The following CDIN1 variants were observed in gnomAD, a reference collection of about 807,000 sequenced individuals.
CDIN1 encodes CDAN1 interacting nuclease 1.
CDIN1 carries 33 observed loss-of-function variants against 45.3 expected under a neutral mutation model. The observed-to-expected ratio is 0.73, with a 90% confidence interval of 0.55 to 0.97. The LOEUF (loss-of-function observed/expected upper bound fraction) is 0.97. Among genes scored for constraint, CDIN1 ranks in the 50% least tolerant of loss-of-function variants. The probability of loss-of-function intolerance (pLI) is 0.00; values close to 1 mark genes in which losing one functional copy is unlikely to be tolerated. For missense variants in CDIN1, 303 were observed against 339.4 expected, an observed-to-expected ratio of 0.89 and a Z score of 0.84; for synonymous variants, 118 against 124.4, an observed-to-expected ratio of 0.95 and a Z score of 0.34.
chr15:36,766,776 TTTC>T (rs1175275116), intron 10 of CDIN1, among the ~76,000 whole-genome samples: 3 of 152,178 alleles, frequency 2.0e-5, no homozygotes, highest in Non-Finnish European at 2.9e-5. Flanking sequence ...ACTTGGGATT[TTTC>T]TTGTTATTTG....
intron 10 of CDIN1, among the ~76,000 whole-genome samples, chr15:36,726,171 T>G (rs1195571039): frequency 2.6e-5 from 4 of 152,206 alleles, no homozygotes; most frequent in African/African-American, 7.2e-5. Flanking sequence ...TCACCTGTTT[T>G]ACTCATATCA....
chr15:36,732,059 A>G (rs902267148), intron 10 of CDIN1, among the ~76,000 whole-genome samples: 3 of 152,162 alleles, frequency 2.0e-5, no homozygotes, highest in African/African-American at 7.2e-5. Flanking sequence ...CCTTAATGTG[A>G]CAGGTAGACT....
intron 4 of CDIN1, among the ~76,000 whole-genome samples, chr15:36,655,270 A>AT (rs1244522019): frequency 4.0e-5 from 6 of 150,418 alleles, no homozygotes; most frequent in Non-Finnish European, 8.9e-5. Flanking sequence ...GAAAACAAGT[A>AT]TTTTATTCTT....
chr15:36,694,978 T>G (rs1219448378), intron 7 of CDIN1, among the ~76,000 whole-genome samples: 2 of 152,224 alleles, frequency 1.3e-5, no homozygotes, highest in African/African-American at 4.8e-5. Context: ...CTCTGAAAAT[T>G]TGTGAAATTT....
At chr15:36,606,011 T>C (rs1481587159) in intron 1 of CDIN1, among the ~76,000 whole-genome samples, 1 of 152,144 alleles carries the variant, frequency 6.6e-6, no homozygotes, top group Non-Finnish European at 1.5e-5. Context: ...ATTAGCGTGC[T>C]TGAGGACAAG....
intron 3 of CDIN1, among the ~76,000 whole-genome samples, chr15:36,652,855 C>T (rs960808463): frequency 2.0e-5 from 3 of 152,148 alleles, no homozygotes; most frequent in Non-Finnish European, 2.9e-5. Context: ...TGGAAGACCT[C>T]ACCTGTTGAC....
At chr15:36,585,487 T>C (rs1406097963) in intron 1 of CDIN1, among the ~76,000 whole-genome samples, 1 of 152,220 alleles carries the variant, frequency 6.6e-6, no homozygotes, top group Non-Finnish European at 1.5e-5. Flanking sequence ...TCCTTTGTGT[T>C]TGATGTTTAT....
At chr15:36,808,289 C>G (rs1163574344) in intron 10 of CDIN1, 35 bp from the exon 11 acceptor site, 1 of 1,610,768 alleles carries the variant, frequency 6.2e-7, no homozygotes, top group East Asian at 2.2e-5. Flanking sequence ...TCTGTTGATA[C>G]CATGTGTGTG....
intron 1 of CDIN1, among the ~76,000 whole-genome samples, chr15:36,597,653 T>C (rs2037900859): frequency 6.6e-6 from 1 of 152,246 alleles, no homozygotes; most frequent in South Asian, 2.1e-4. Flanking sequence ...CTTTCCTTTC[T>C]GACGGTGCAG....
Position 36,809,732 on chromosome 15 carries a change from A to G in CDIN1, c.*1279A>G, listed in dbSNP as rs1207347494. ...TAACAACAATGTAATTTTTGCAGAC[A>G]GCTTTAACTTATATACATTGCTTGA... is the stretch of plus-strand genomic sequence containing the variant. On this transcript the variant is annotated 3_prime_UTR_variant, in exon 11 of 11. Coordinates refer to ENST00000566621, the MANE Select transcript of CDIN1 (RefSeq NM_001321759.2). The G allele has an allele frequency of 6.6e-6, 1 of 152,210 alleles. No homozygotes were observed. Among genetic ancestry groups the G allele is most frequent in the Non-Finnish European group, 1.5e-5 (1 of 68,036 alleles). 9.4% of individuals were successfully genotyped at this position (152,210 alleles called of 1,614,324 possible). A position where few individuals can be genotyped will look rare whatever the true frequency, so the allele number is the denominator to read the frequency against.
intron 10 of CDIN1, among the ~76,000 whole-genome samples, chr15:36,797,270 A>G (rs1258890702): frequency 6.6e-6 from 1 of 152,230 alleles, no homozygotes; most frequent in African/African-American, 2.4e-5. Flanking sequence ...AAGAAATAAA[A>G]CAGATGAACC....
chr15:36,652,182 A>G (rs2040599910), intron 3 of CDIN1, among the ~76,000 whole-genome samples: 1 of 152,154 alleles, frequency 6.6e-6, no homozygotes, highest in Admixed American at 6.6e-5. Context: ...ATTATACTGT[A>G]TATTTATCTC....
chr15:36,729,696 G>A lies in CDIN1; in HGVS notation c.716+19735G>A, dbSNP rs1169069611. Among the ~76,000 whole-genome samples the A allele has an allele frequency of 2.0e-5, 3 of 152,236 alleles. No individual in the cohort carries two copies. In the East Asian group the frequency reaches 5.8e-4, roughly 29 times the overall value. On this transcript the variant is annotated intron_variant, in intron 10 of 10. Coordinates refer to ENST00000566621, the MANE Select transcript of CDIN1 (RefSeq NM_001321759.2). ...GGATAGGCCTTAATGAGACTATGTG[G>A]GTTGTGGTGCTAGAAAAAGTTGTCC... is the stretch of plus-strand genomic sequence containing the variant.
At chr15:36,677,246 AG>A (rs372442149) in intron 5 of CDIN1, among the ~76,000 whole-genome samples, 138 of 152,228 alleles carry the variant, frequency 9.1e-4, no homozygotes, top group African/African-American at 2.6e-3. Context: ...GCATTCTCAA[AG>A]GGGGTGAGAT....
chr15:36,640,031 G>A (rs2040043862), intron 1 of CDIN1, among the ~76,000 whole-genome samples: 1 of 152,068 alleles, frequency 6.6e-6, no homozygotes, highest in Admixed American at 6.5e-5. Flanking sequence ...CTTGAATTTA[G>A]TTTACAGATT....
chr15:36,722,385 T>C (rs1457773249), intron 10 of CDIN1, among the ~76,000 whole-genome samples: 1 of 150,244 alleles, frequency 6.7e-6, no homozygotes, highest in Non-Finnish European at 1.5e-5. Context: ...CTTCTGAGAG[T>C]TGGAATGGGA....
At chr15:36,776,404 C>G (rs2054218044) in intron 10 of CDIN1, among the ~76,000 whole-genome samples, 1 of 152,198 alleles carries the variant, frequency 6.6e-6, no homozygotes, top group African/African-American at 2.4e-5. Flanking sequence ...CACTGAGCAC[C>G]TACCGTGTTG....
intron 1 of CDIN1, among the ~76,000 whole-genome samples, chr15:36,601,656 T>A (rs1042135511): frequency 1.3e-5 from 2 of 152,180 alleles, no homozygotes; most frequent in Middle Eastern, 3.2e-3. Flanking sequence ...AAGCAGAACA[T>A]TTTTAGCTTC....
At chr15:36,584,918 T>TTTGAAGACTTTCTGTAATGGGCCC (rs2037223046) in intron 1 of CDIN1, among the ~76,000 whole-genome samples, 1 of 152,222 alleles carries the variant, frequency 6.6e-6, no homozygotes, top group African/African-American at 2.4e-5. Context: ...AATAACGTTA[T>TTTGAAGACTTTCTGTAATGGGCCC]TTGAAGACTT....
Sources: gnomAD v4.1 joint callset for allele counts (sites outside exome capture counted in the v4.1 genomes callset) on GRCh38, gnomAD v4.1.1 for gene constraint, MANE v1.5 for transcripts, NCBI Gene and HGNC (gene_info 2026-07-23, HGNC 2026-07-21) for gene names.